PRKX: variants seen among roughly 807,000 people sequenced by gnomAD.
PRKX encodes the protein protein kinase cAMP-dependent X-linked catalytic subunit.
Under a neutral mutation model 22.0 loss-of-function variants are expected in PRKX, and 12 were observed. The observed-to-expected ratio is 0.54, with a 90% CI of 0.35 to 0.88. PRKX has a LOEUF of 0.88. Among genes scored for constraint, PRKX ranks in the 40% least tolerant of loss-of-function variants. The pLI is 0.01. For synonymous variants in PRKX, 134 were observed against 137.7 expected (o/e 0.97, Z 0.19); for missense variants, 217 against 308.0 (o/e 0.70, Z 2.21).
intron 1 of PRKX, among the ~76,000 whole-genome samples, chrX:3,676,677 C>G (rs1170211866): frequency 2.0e-4 from 22 of 111,797 alleles, no homozygotes; most frequent in African/African-American, 7.2e-4. Context: ...CTCACTTATA[C>G]AAGGAATCTG....
In PRKX at chrX:3,699,572, TCAAA is replaced by T. The variant is rs769326080; in HGVS notation, c.166+13512_166+13515del. Among the ~76,000 whole-genome samples, 10 of 111,642 alleles carry T rather than the reference TCAAA, an allele frequency of 9.0e-5. No homozygotes were observed. In the South Asian group the frequency reaches 3.7e-3, roughly 41 times the overall value. ...TTTCACCATTATGGCCAGGATGGTC[TCAAA>T]CTCCTGACCTCAGGTGATCCACCCG... On this transcript the variant is annotated intron_variant, in intron 1 of 8. Transcript: ENST00000262848.
Position 3,641,880 on chromosome X carries a change from C to T in PRKX, c.691G>A (p.Gly231Ser), listed in dbSNP as rs1927085993. Residue 231 changes from glycine to serine, a missense_variant, in exon 4 of 9, where the codon GGC (glycine) becomes AGC (serine). Gly to Ser is a moderately conservative substitution (Grantham distance 56, BLOSUM62 0). Transcript: ENST00000262848. ...GAAAGCATCTCGAATATCAGGATGC[C>T]GAGGGCCCACCAGTCCACGGCCCTT... ...HGRAVDWWAL[G>S]ILIFEMLSGF... 5.9e-6 allele frequency: 3 copies of T among 508,704 alleles called. No homozygotes were observed. The highest frequency in any genetic ancestry group is 3.7e-5 in the East Asian group (1 of 26,734). 41.9% of individuals were successfully genotyped at this position (508,704 alleles called of 1,213,427 possible). A position where few individuals can be genotyped will look rare whatever the true frequency, so the allele number is the denominator to read the frequency against.
At chrX:3,636,378 A>G (rs1926886666) in intron 4 of PRKX, among the ~76,000 whole-genome samples, 1 of 112,925 alleles carries the variant, frequency 8.9e-6, no homozygotes. Context: ...TGAGGAGAGC[A>G]GCTTGGGAGC....
intron 2 of PRKX, among the ~76,000 whole-genome samples, chrX:3,672,106 G>A (rs1201144731): frequency 2.7e-5 from 3 of 111,356 alleles, no homozygotes; most frequent in Admixed American, 9.6e-5. Context: ...GAGGAAGGAG[G>A]ATGGCTTAAG....
intron 1 of PRKX, among the ~76,000 whole-genome samples, chrX:3,693,939 CAA>C (rs1230845031): frequency 8.5e-4 from 28 of 33,050 alleles, no homozygotes; most frequent in African/African-American, 2.5e-3. Flanking sequence ...GACTCCGTCT[CAA>C]AAAAAAAAAA....
At chrX:3,645,948 G>A (rs1241945943) in intron 3 of PRKX, among the ~76,000 whole-genome samples, 3 of 109,857 alleles carry the variant, frequency 2.7e-5, no homozygotes, top group African/African-American at 9.9e-5. Flanking sequence ...CATAAAAAAT[G>A]TTAATAAAGA....
rs1927380772 is a variant in PRKX, at chrX:3,653,461, G to A, written c.599+1688C>T. Among the ~76,000 whole-genome samples, 3 of 108,174 alleles carry A rather than the reference G, an allele frequency of 2.8e-5. No homozygotes were observed. In the Admixed American group the frequency reaches 3.1e-4, roughly 11 times the overall value. 93.9% of individuals were successfully genotyped at this position (108,174 alleles called of 115,157 possible). On this transcript the variant is annotated intron_variant, in intron 3 of 8. Transcript: ENST00000262848. ...TGGCTGAGACGACATGTAATGGTTT[G>A]TTTCATGTGTTGATGGGCCGTGGGG...
intron 3 of PRKX, among the ~76,000 whole-genome samples, chrX:3,652,120 A>T (rs1927344833): frequency 9.0e-6 from 1 of 110,783 alleles, no homozygotes; most frequent in Admixed American, 9.7e-5. Context: ...GGTGAGAGAT[A>T]AAAGACTACA....
chrX:3,701,191 C>G (rs1428447454), intron 1 of PRKX, among the ~76,000 whole-genome samples: 1 of 111,031 alleles, frequency 9.0e-6, no homozygotes, highest in Non-Finnish European at 1.9e-5. Flanking sequence ...TCACTGCAGC[C>G]TCCAACTCCT....
At chrX:3,674,950 A>G (rs185481247) in intron 1 of PRKX, among the ~76,000 whole-genome samples, 184 bp from the exon 2 acceptor site, 67 of 111,205 alleles carry the variant, frequency 6.0e-4, no homozygotes, top group African/African-American at 1.9e-3. Flanking sequence ...GCTCACCTGG[A>G]ATTTTCCACT....
chrX:3,700,430 C>G lies in PRKX; in HGVS notation c.166+12658G>C, dbSNP rs773273028. On this transcript the variant is annotated intron_variant, in intron 1 of 8. Transcript: ENST00000262848. ...AAATCCTAACCTATTTAAGGATAAA[C>G]TAAACAAAAGCCTTAATACATAAAA... Among the ~76,000 whole-genome samples the G allele has an allele frequency of 4.5e-5, 5 of 112,252 alleles. No individual in the cohort carries two copies. The East Asian group carries it at 1.4e-3, about 31-fold the overall frequency.
intron 5 of PRKX, among the ~76,000 whole-genome samples, chrX:3,625,243 C>T (rs1926637184): frequency 9.0e-6 from 1 of 111,499 alleles, no homozygotes; most frequent in African/African-American, 3.3e-5. Flanking sequence ...AGACTAAGAA[C>T]CTCTGGTTAG....
intron 1 of PRKX, among the ~76,000 whole-genome samples, chrX:3,696,023 G>A (rs1056396527): frequency 1.8e-5 from 2 of 111,073 alleles, no homozygotes; most frequent in East Asian, 2.8e-4. Context: ...CAAAATTCCC[G>A]TGTTGAATCC....
intron 3 of PRKX, among the ~76,000 whole-genome samples, chrX:3,642,489 G>C (rs192097345): frequency 9.1e-6 from 1 of 110,210 alleles, no homozygotes; most frequent in South Asian, 4.0e-4. Flanking sequence ...AAGCACAGGA[G>C]AAGGATGAGG....
chrX:3,613,108 A>ACCACT (rs1413685196), intron 7 of PRKX, among the ~76,000 whole-genome samples: 1 of 91,621 alleles, frequency 1.1e-5, no homozygotes, highest in Non-Finnish European at 2.1e-5. Context: ...CCGAGATCGC[A>ACCACT]CCACTGAACT....
chrX:3,702,503 C>T (rs1358218755), intron 1 of PRKX, among the ~76,000 whole-genome samples: 1 of 107,417 alleles, frequency 9.3e-6, no homozygotes, highest in Admixed American at 1.0e-4. Context: ...AATGCCCACA[C>T]ACAACGCATG....
intron 4 of PRKX, among the ~76,000 whole-genome samples, chrX:3,635,169 T>C (rs974849516): frequency 8.0e-5 from 9 of 112,233 alleles, no homozygotes; most frequent in African/African-American, 2.6e-4. Flanking sequence ...CGCGGACAGC[T>C]GTAACACACA....
rs747590178 is a variant in PRKX at position 3,606,925 on chromosome X, GT to G, written c.*2043del. On this transcript the variant is annotated 3_prime_UTR_variant, in exon 9 of 9. Transcript: ENST00000262848. Reference sequence around the variant, plus strand: ...TGGCTGGAGGCTGATCACGACGTCTGTAAAGAACAAGGTCACCAATGTGCTT... The same window carrying G: ...TGGCTGGAGGCTGATCACGACGTCTGAAAGAACAAGGTCACCAATGTGCTT... 8.9e-6 allele frequency: 1 copy of G among 111,780 alleles called. No homozygotes were observed. The highest frequency in any genetic ancestry group is 3.2e-5 in the African/African-American group (1 of 30,803). 9.2% of individuals were successfully genotyped at this position (111,780 alleles called of 1,213,427 possible).
chrX:3,630,784 A>G (rs2146565836), intron 4 of PRKX, among the ~76,000 whole-genome samples: 1 of 111,315 alleles, frequency 9.0e-6, no homozygotes, highest in East Asian at 2.8e-4. Flanking sequence ...ATGTTGCTAA[A>G]CTGTCAGAAA....
Sources: allele counts gnomAD v4.1 joint callset (sites outside exome capture counted in the v4.1 genomes callset), GRCh38; gene constraint gnomAD v4.1.1; transcripts MANE v1.5; gene names NCBI Gene and HGNC (gene_info 2026-07-23, HGNC 2026-07-21).